The following LRRC7 variants were observed in gnomAD, a reference collection of about 807,000 sequenced individuals.
The protein encoded by LRRC7 is leucine rich repeat containing 7, also known as leucine-rich repeat-containing protein 7.
Under a neutral mutation model 175.7 loss-of-function variants are expected in LRRC7, and 23 were observed. That is an observed-to-expected ratio of 0.13 (90% CI 0.09 to 0.19). The LOEUF (loss-of-function observed/expected upper bound fraction) is 0.19, where lower values mean the gene tolerates loss of function less well. Ranked by LOEUF, LRRC7 falls within the 10% of genes least tolerant of loss-of-function variation. The pLI, the probability that LRRC7 is intolerant of heterozygous loss-of-function variation, is 1.00. For synonymous variants in LRRC7, 685 were observed against 680.9 expected, an observed-to-expected ratio of 1.01 and a Z score of -0.09; for missense variants, 1,354 against 1,904.7, an observed-to-expected ratio of 0.71 and a Z score of 5.38.
chr1:69,796,111 CT>C (rs1424864126), intron 4 of LRRC7, among the ~76,000 whole-genome samples: 1 of 106,224 alleles, frequency 9.4e-6, no homozygotes, highest in African/African-American at 3.5e-5. Flanking sequence ...TCCCTCCCCC[CT>C]CCCCCCTCCC....
intron 2 of LRRC7, among the ~76,000 whole-genome samples, chr1:69,697,040 C>A (rs368072315): frequency 1.3e-5 from 2 of 152,078 alleles, no homozygotes; most frequent in African/African-American, 4.8e-5. Context: ...TGGGTCTATC[C>A]TTTTGCTCTT....
At chr1:69,965,804 G>GC (rs1651608241) in intron 8 of LRRC7, among the ~76,000 whole-genome samples, 1 of 152,064 alleles carries the variant, frequency 6.6e-6, no homozygotes, top group Admixed American at 6.6e-5. Context: ...TTGGGAGAAT[G>GC]TACAAGTAGG....
At chr1:69,763,638 G>A (rs1052565413) in intron 3 of LRRC7, among the ~76,000 whole-genome samples, 3 of 151,934 alleles carry the variant, frequency 2.0e-5, no homozygotes, top group Non-Finnish European at 4.4e-5. Flanking sequence ...ACCATAATGT[G>A]CACTATAAAG....
chr1:70,100,826 A>C (rs1664754369), intron 25 of LRRC7, among the ~76,000 whole-genome samples: 1 of 151,906 alleles, frequency 6.6e-6, no homozygotes, highest in African/African-American at 2.4e-5. Context: ...CTTAACTTCT[A>C]ATTGCCATAG....
chr1:70,032,292 A>G (rs1186249651), intron 18 of LRRC7, among the ~76,000 whole-genome samples: 2 of 152,150 alleles, frequency 1.3e-5, no homozygotes, highest in African/African-American at 2.4e-5. Context: ...ATCAAGGGGT[A>G]GGGCTTTTAA....
intron 1 of LRRC7, among the ~76,000 whole-genome samples, chr1:69,617,833 T>A (rs375427621): frequency 6.6e-6 from 1 of 152,020 alleles, no homozygotes; most frequent in Non-Finnish European, 1.5e-5. Context: ...GCTACTTGGA[T>A]AACAAGCAGT....
intron 8 of LRRC7, among the ~76,000 whole-genome samples, chr1:69,932,736 T>C: frequency 6.6e-6 from 1 of 152,194 alleles, no homozygotes; most frequent in East Asian, 1.9e-4. Flanking sequence ...TGTTCCTCTC[T>C]CCATCCCCTG....
At chr1:70,059,693 T>C (rs1267049892) in intron 23 of LRRC7, among the ~76,000 whole-genome samples, 1 of 152,112 alleles carries the variant, frequency 6.6e-6, no homozygotes, top group Non-Finnish European at 1.5e-5. Flanking sequence ...TGTAATACAT[T>C]TCAATGCTTC....
At chr1:69,621,534 A>G (rs1041001253) in intron 1 of LRRC7, among the ~76,000 whole-genome samples, 1 of 152,198 alleles carries the variant, frequency 6.6e-6, no homozygotes, top group Non-Finnish European at 1.5e-5. Flanking sequence ...TTCTCTCCCT[A>G]GAAAATTTCC....
intron 1 of LRRC7, among the ~76,000 whole-genome samples, chr1:69,594,471 C>T (rs7521000): frequency 0.044 from 6,748 of 152,164 alleles, 168 homozygotes; most frequent in Middle Eastern, 0.1. Context: ...GCCCCTAGGA[C>T]GGCTCTTCTT....
chr1:70,039,836 A>T, intron 21 of LRRC7, 43 bp downstream of exon 21: 1 of 1,526,966 alleles, frequency 6.5e-7, no homozygotes, highest in Non-Finnish European at 8.8e-7. Context: ...TCCTGCCTTT[A>T]GTGTTACTTT....
Position 70,132,950 on chromosome 1 carries a change from T to C in LRRC7, c.*11063T>C, listed in dbSNP as rs1666733667. On this transcript the variant is annotated 3_prime_UTR_variant, in exon 27 of 27. Transcript: ENST00000651989. ...TTCTTAAATTCCTGGAGCGAAGGGGTGAACATTTCCCTCTGTAACCCACCC... is the reference window on the plus strand; with the variant it reads ...TTCTTAAATTCCTGGAGCGAAGGGGCGAACATTTCCCTCTGTAACCCACCC... Among the ~76,000 whole-genome samples, 1 of 152,032 alleles carries C rather than the reference T, an allele frequency of 6.6e-6. No homozygotes were observed. Among genetic ancestry groups the C allele is most frequent in the East Asian group, 1.9e-4 (1 of 5,194 alleles).
intron 8 of LRRC7, among the ~76,000 whole-genome samples, chr1:69,932,655 A>G (rs1286191946): frequency 2.0e-5 from 3 of 152,250 alleles, no homozygotes. Context: ...TAAGTTTAAT[A>G]TGATTTAAGA....
chr1:69,718,160 G>GAAAGAAAGAAAGAAAGAAAGAAAGAAAGA (rs1451018236), intron 2 of LRRC7, among the ~76,000 whole-genome samples: 1 of 148,942 alleles, frequency 6.7e-6, no homozygotes, highest in Non-Finnish European at 1.5e-5. Context: ...AAGAAAGAAA[G>GAAAGAAAGAAAGAAAGAAAGAAAGAAAGA]AAAGAAAGAA....
Position 69,816,183 on chromosome 1 carries a change from G to T in LRRC7, c.422-9565G>T, listed in dbSNP as rs543186783. On this transcript the variant is annotated intron_variant, in intron 4 of 26. Transcript: ENST00000651989. The stretch of plus-strand genomic sequence containing the variant: ...AGTACAGACGGGGTTTCACCATGTT[G>T]GCCAGGCTAGTCTCGAACTCCTGAC... Among the ~76,000 whole-genome samples, 12 of 152,000 alleles carry T rather than the reference G, an allele frequency of 7.9e-5. No individual in the cohort carries two copies. The East Asian group carries it at 2.3e-3, about 30-fold the overall frequency.
chr1:69,862,386 T>C (rs545601774), intron 7 of LRRC7, among the ~76,000 whole-genome samples: 1 of 152,206 alleles, frequency 6.6e-6, no homozygotes, highest in South Asian at 2.1e-4. Context: ...CTTTTTATAA[T>C]AAAATCAAAA....
intron 7 of LRRC7, among the ~76,000 whole-genome samples, chr1:69,903,439 T>G (rs907134132): frequency 6.6e-6 from 1 of 152,132 alleles, no homozygotes. Flanking sequence ...GACGGTGCAC[T>G]CTGGCCCAGA....
Position 70,036,483 on chromosome 1 carries a change from T to C in LRRC7, c.2147T>C (p.Leu716Pro). The C allele has an allele frequency of 1.9e-6, 3 of 1,613,628 alleles. No homozygotes were observed. Among genetic ancestry groups the C allele is most frequent in the Non-Finnish European group, 2.5e-6 (3 of 1,179,818 alleles). Residue 716 changes from leucine (L) to proline (P), a missense_variant, in exon 20 of 27, where the codon CTG (leucine) becomes CCG (proline). This residue lies in a region of LRRC7 where 1,032 missense variants were observed against 1,227.2 expected (regional missense o/e 0.84). Coordinates refer to ENST00000651989, the MANE Select transcript of LRRC7 (RefSeq NM_001370785.2). Reference protein sequence around the residue: ...DESEVDKTHCLNNSVSSGTYS... With the variant: ...DESEVDKTHCPNNSVSSGTYS... ...TCTGAAGTTGACAAAACTCACTGTC[T>C]GAATAACAGTGTTTCCTCAGGCACT...
chr1:70,021,220 G>C (rs1024728089), intron 16 of LRRC7, 91 bp downstream of exon 16: 23 of 1,281,952 alleles, frequency 1.8e-5, no homozygotes, highest in Non-Finnish European at 2.5e-5. Context: ...GACAAAGTCA[G>C]ATACTTCTTC....
Sources: gnomAD v4.1 joint callset for allele counts (sites outside exome capture counted in the v4.1 genomes callset) on GRCh38, gnomAD v4.1.1 for gene constraint, gnomAD v4.1.1 regional missense constraint, MANE v1.5 for transcripts, NCBI Gene and HGNC (gene_info 2026-07-23, HGNC 2026-07-21) for gene names.